Variants in THSD7A observed in about 807,000 individuals in gnomAD.
THSD7A encodes the protein thrombospondin type-1 domain-containing protein 7A.
In THSD7A, 96 loss-of-function variants were observed where a neutral mutation model predicts 231.3. That is an observed-to-expected ratio of 0.41 (90% CI 0.35 to 0.49). The LOEUF (loss-of-function observed/expected upper bound fraction) is 0.49. Ranked by LOEUF, THSD7A falls within the 20% of genes least tolerant of loss-of-function variation. The pLI is 0.05. For synonymous variants in THSD7A, 940 were observed against 743.3 expected (o/e 1.26, Z -4.30); for missense variants, 2,290 against 2,070.2 (o/e 1.11, Z -2.06).
rs189603754 is a variant in THSD7A, at chr7:11,802,084, A to T, written c.190+29673T>A. 3.3e-5 allele frequency among the ~76,000 whole-genome samples: 5 copies of T among 152,206 alleles called. No homozygotes were observed. In the East Asian group the frequency reaches 9.7e-4, roughly 29 times the overall value. On this transcript the variant is annotated intron_variant, in intron 1 of 27. Transcript: ENST00000423059. ...CAAAACTTCCGTCACAAGGCTGACA[A>T]TTTTCTCAAGGCTGAAATTTCCTGG...
At chr7:11,532,459 GAC>G (rs1788747271) in intron 6 of THSD7A, among the ~76,000 whole-genome samples, 1 of 152,164 alleles carries the variant, frequency 6.6e-6, no homozygotes, top group East Asian at 1.9e-4. Flanking sequence ...CAGGCAAGAA[GAC>G]TGTTAGTGAA....
intron 9 of THSD7A, among the ~76,000 whole-genome samples, chr7:11,463,005 C>T (rs1489379545): frequency 1.3e-5 from 2 of 152,146 alleles, no homozygotes; most frequent in African/African-American, 4.8e-5. Flanking sequence ...CAGGGTTTTA[C>T]TTACAAAATA....
At chr7:11,435,023 C>A (rs1784588930) in intron 13 of THSD7A, among the ~76,000 whole-genome samples, 1 of 151,726 alleles carries the variant, frequency 6.6e-6, no homozygotes, top group South Asian at 2.1e-4. Context: ...TATATTTATT[C>A]ATTTTATATA....
intron 11 of THSD7A, among the ~76,000 whole-genome samples, chr7:11,450,291 C>A (rs1172502385): frequency 2.0e-5 from 3 of 151,942 alleles, no homozygotes; most frequent in Non-Finnish European, 4.4e-5. Flanking sequence ...ACCTGCACTA[C>A]ATAAAATCTT....
rs1786089566 is a variant in THSD7A at position 11,474,789 on chromosome 7, GAA to G, written c.2018-223_2018-222del. Among the ~76,000 whole-genome samples the G allele has an allele frequency of 6.6e-6, 1 of 152,178 alleles. No individual in the cohort carries two copies. Among genetic ancestry groups the G allele is most frequent in the Non-Finnish European group, 1.5e-5 (1 of 68,028 alleles). ...CTCAAGGATCTCATAATGTAGTAGG[GAA>G]AAGTAGTAGGGGAGATAAGGATACA... On this transcript the variant is annotated intron_variant, in intron 7 of 27. Transcript: ENST00000423059. The surrounding 1 kb of genome is among the most constrained non-coding windows in gnomAD (Gnocchi z 4.1).
intron 1 of THSD7A, among the ~76,000 whole-genome samples, chr7:11,698,421 C>A (rs1584229781): frequency 1.3e-5 from 2 of 151,228 alleles, no homozygotes; most frequent in Non-Finnish European, 3.0e-5. Flanking sequence ...TGCAAGGAGA[C>A]AAGACCCTCT....
intron 11 of THSD7A, among the ~76,000 whole-genome samples, chr7:11,459,904 T>C (rs1417644213): frequency 6.6e-6 from 1 of 152,096 alleles, no homozygotes; most frequent in Non-Finnish European, 1.5e-5. Context: ...TTATGTATTA[T>C]GCTACATTTT....
chr7:11,445,974 C>T (rs1208005742), intron 13 of THSD7A, 87 bp downstream of exon 13: 5 of 1,507,598 alleles, frequency 3.3e-6, no homozygotes, highest in African/African-American at 2.8e-5. Flanking sequence ...GTCTGTAAAC[C>T]TTCACTTCCA....
rs994901187 is a variant in THSD7A, at chr7:11,637,264, G to A, written c.191-303C>T. On this transcript the variant is annotated intron_variant, in intron 1 of 27. Transcript: ENST00000423059. The surrounding 1 kb of genome is among the most constrained non-coding windows in gnomAD (Gnocchi z 4.2). Reference sequence around the variant, plus strand: ...TTTTAGGTAGTTAGAAATCCTTGCTGATAAAGGACATCAGAAATTAGTCAC... The same window carrying A: ...TTTTAGGTAGTTAGAAATCCTTGCTAATAAAGGACATCAGAAATTAGTCAC... Among the ~76,000 whole-genome samples, 1 of 152,130 alleles carries A rather than the reference G, an allele frequency of 6.6e-6. No homozygotes were observed.
At chr7:11,447,126 G>A in intron 12 of THSD7A, 104 bp downstream of exon 12, 1 of 1,035,552 alleles carries the variant, frequency 9.7e-7, no homozygotes, top group East Asian at 2.6e-5. Flanking sequence ...TAAATCCATT[G>A]GCATATTATT....
At chr7:11,631,368 C>A (rs1337860272) in intron 2 of THSD7A, among the ~76,000 whole-genome samples, 1 of 152,056 alleles carries the variant, frequency 6.6e-6, no homozygotes, top group Admixed American at 6.6e-5. Context: ...AGTAAAATTG[C>A]CTTTACTTCC....
At chr7:11,764,226 A>G (rs1435777651) in intron 1 of THSD7A, among the ~76,000 whole-genome samples, 2 of 152,246 alleles carry the variant, frequency 1.3e-5, no homozygotes, top group Non-Finnish European at 2.9e-5. Context: ...GCTGTCATAA[A>G]ATACCAACTG....
chr7:11,508,029 A>T (rs947631675), intron 6 of THSD7A, among the ~76,000 whole-genome samples: 4 of 152,282 alleles, frequency 2.6e-5, no homozygotes, highest in African/African-American at 9.6e-5. Flanking sequence ...ACATGGTGGC[A>T]GGAGAGAGAG....
chr7:11,621,184 C>T (rs1336369754), intron 2 of THSD7A, among the ~76,000 whole-genome samples: 1 of 152,162 alleles, frequency 6.6e-6, no homozygotes, highest in Non-Finnish European at 1.5e-5. Context: ...CAGCAGAGAA[C>T]ATGCATCATT....
intron 6 of THSD7A, among the ~76,000 whole-genome samples, chr7:11,518,178 A>T (rs1338208642): frequency 6.6e-6 from 1 of 152,174 alleles, no homozygotes; most frequent in Non-Finnish European, 1.5e-5. Flanking sequence ...CTTTCCCCAC[A>T]TTATGTACTA....
At position 11,424,731 on chromosome 7, in the gene THSD7A, C is replaced by T; in HGVS notation, c.3348G>A (p.Glu1116=). 1 of 1,614,004 alleles carries T rather than the reference C, an allele frequency of 6.2e-7. No individual in the cohort carries two copies. The highest frequency in any genetic ancestry group is 8.5e-7 in the Non-Finnish European group (1 of 1,179,894). ...ICKVTFVNMR[E]NCGEGVQTRK... ...GGGTTTGCACGCCCTCTCCACAGTT[C>T]TCCCGCATATTCACAAAGGTCACCT... Residue 1116 remains glutamate (E), a synonymous_variant, in exon 16 of 28, where the codon GAG becomes GAA. Coordinates refer to ENST00000423059, the MANE Select transcript of THSD7A (RefSeq NM_015204.3).
intron 1 of THSD7A, among the ~76,000 whole-genome samples, chr7:11,781,826 T>C (rs1335943866): frequency 6.6e-6 from 1 of 152,222 alleles, no homozygotes; most frequent in African/African-American, 2.4e-5. Context: ...TATATCTGAA[T>C]ATTTTAATAA....
intron 1 of THSD7A, among the ~76,000 whole-genome samples, chr7:11,813,033 A>G (rs531317787): frequency 3.4e-4 from 52 of 152,208 alleles, no homozygotes; most frequent in Non-Finnish European, 6.3e-4. Context: ...TATTCCATCC[A>G]CTAAGCTGTG....
At chr7:11,648,668 A>G (rs1442053574) in intron 1 of THSD7A, among the ~76,000 whole-genome samples, 8 of 48,348 alleles carry the variant, frequency 1.7e-4, no homozygotes, top group East Asian at 5.3e-4. Context: ...GTGTGTGTGT[A>G]TCATGCTTTT....
Sources: gnomAD v4.1 joint callset for allele counts (sites outside exome capture counted in the v4.1 genomes callset) on GRCh38, gnomAD v4.1.1 for gene constraint, Gnocchi (gnomAD v3.1) non-coding constraint, MANE v1.5 for transcripts, NCBI Gene and HGNC (gene_info 2026-07-23, HGNC 2026-07-21) for gene names.